Variants in MMP25 observed in about 807,000 individuals in gnomAD.
MMP25 encodes the protein matrix metallopeptidase 25.
A neutral mutation model predicts 62.1 loss-of-function variants in MMP25; 68 were observed. The ratio of observed to expected loss-of-function variants is 1.10; its 90% CI spans 0.90 to 1.34. MMP25 has a LOEUF of 1.34. Ranked by LOEUF, MMP25 falls within the 40% of genes most tolerant of loss-of-function variation. MMP25 has a pLI of 0.00. For missense variants in MMP25, 942 were observed against 792.5 expected, an observed-to-expected ratio of 1.19 and a Z score of -2.26; for synonymous variants, 407 against 345.6, an observed-to-expected ratio of 1.18 and a Z score of -1.97.
intron 4 of MMP25, among the ~76,000 whole-genome samples, chr16:3,055,251 C>G (rs112199026): frequency 6.6e-6 from 1 of 151,980 alleles, no homozygotes; most frequent in African/African-American, 2.4e-5. Flanking sequence ...TGTAACTTCC[C>G]CCAGATGCAT....
Position 3,058,862 on chromosome 16 carries a change from C to T in MMP25, c.1453C>T (p.Arg485Cys). 6.5e-7 allele frequency: 1 copy of T among 1,544,648 alleles called. No homozygotes were observed. Among genetic ancestry groups the T allele is most frequent in the Non-Finnish European group, 8.7e-7 (1 of 1,143,242 alleles). The change falls in exon 10 of 10, where the codon CGC becomes TGC. Residue 485 changes from arginine (R) to cysteine (C), a missense_variant. Transcript: ENST00000336577. ...CTTCTTCAAGGGCGCCCACTACTGGCGCTTCCCCAAGAACAGCATCAAGAC... is the reference window on the plus strand; with the variant it reads ...CTTCTTCAAGGGCGCCCACTACTGGTGCTTCCCCAAGAACAGCATCAAGAC... ...TYFFKGAHYWRFPKNSIKTEP... is the reference protein window; with the variant it reads ...TYFFKGAHYWCFPKNSIKTEP...
At chr16:3,056,284 G>T in intron 4 of MMP25, 1 of 227,934 alleles carries the variant, frequency 4.4e-6, no homozygotes, top group South Asian at 5.1e-5. Context: ...ACTGTAGCTG[G>T]GAGGAGGGGA....
chr16:3,058,687 C>A lies in MMP25; in HGVS notation c.1417+18C>A. On this transcript the variant is annotated intron_variant, in intron 9 of 9. Transcript: ENST00000336577. ...CAACGCAGGTGGGGAGCGCGGTGAC[C>A]TGCGGGTTACTGGGCCTGGGGGTGG... The A allele has an allele frequency of 6.3e-7, 1 of 1,582,570 alleles. No homozygotes were observed. Among genetic ancestry groups the A allele is most frequent in the Non-Finnish European group, 8.6e-7 (1 of 1,163,216 alleles).
chr16:3,056,965 C>A, intron 4 of MMP25, 68 bp from the exon 5 acceptor site: 1 of 1,493,954 alleles, frequency 6.7e-7, no homozygotes, highest in African/African-American at 1.4e-5. Context: ...GCTGCACTCG[C>A]AGGGCCTTCC....
Position 3,050,249 on chromosome 16 carries a change from C to T in MMP25, c.369-5C>T, listed in dbSNP as rs1955881072. On this transcript the variant is annotated splice_region_variant and splice_polypyrimidine_tract_variant and intron_variant, in intron 3 of 9. Coordinates refer to ENST00000336577, the MANE Select transcript of MMP25 (RefSeq NM_022468.5). ...CACCCTTACACCTCACTCCCCTCTC[C>T]CCAGGGTACGTTCCTTCCCCCAGAG... 6 of 1,588,054 alleles carry T rather than the reference C, an allele frequency of 3.8e-6. No homozygotes were observed. The highest frequency in any genetic ancestry group is 1.7e-4 in the Middle Eastern group (1 of 5,960).
At chr16:3,047,220 C>T in intron 1 of MMP25, among the ~76,000 whole-genome samples, 195 bp from the exon 2 acceptor site, 1 of 152,162 alleles carries the variant, frequency 6.6e-6, no homozygotes, top group East Asian at 1.9e-4. Context: ...AGCTGAGGTG[C>T]GGAGCTGAAG....
Position 3,046,832 on chromosome 16 carries a change from G to C in MMP25, c.-86G>C, listed in dbSNP as rs1040772681. ...TGCCGGGTGCCCCCCGCCCTCTCCA[G>C]GCCCGGATCTCCTCCCCCAGGTCCC... On this transcript the variant is annotated 5_prime_UTR_variant, in exon 1 of 10. Coordinates refer to ENST00000336577, the MANE Select transcript of MMP25 (RefSeq NM_022468.5). 5 of 728,558 alleles carry C rather than the reference G, an allele frequency of 6.9e-6. No individual in the cohort carries two copies. The highest frequency in any genetic ancestry group is 8.0e-6 in the Non-Finnish European group (4 of 496,974). The allele number at this position is 728,558 out of a possible 1,614,324, so 45.1% of individuals were successfully genotyped here. A position where few individuals can be genotyped will look rare whatever the true frequency, so the allele number is the denominator to read the frequency against.
At position 3,057,908 on chromosome 16, in the gene MMP25, T is replaced by C. The variant is rs1183642666; in HGVS notation, c.1007-273T>C. 1.2e-5 allele frequency: 7 copies of C among 577,046 alleles called. No homozygotes were observed. The East Asian group carries it at 2.1e-4, about 17-fold the overall frequency. The allele number at this position is 577,046 out of a possible 1,614,324, so 35.7% of individuals were successfully genotyped here. ...TTGTAGAGATGGAGTCTCACTATATTGCCCAGGCTGGGCTCAATCTCCTGG... is the reference window on the plus strand; with the variant it reads ...TTGTAGAGATGGAGTCTCACTATATCGCCCAGGCTGGGCTCAATCTCCTGG... On this transcript the variant is annotated intron_variant, in intron 7 of 9. Coordinates refer to ENST00000336577, the MANE Select transcript of MMP25 (RefSeq NM_022468.5).
intron 4 of MMP25, among the ~76,000 whole-genome samples, chr16:3,056,638 C>T (rs1956013699): frequency 6.6e-6 from 1 of 152,088 alleles, no homozygotes; most frequent in Admixed American, 6.5e-5. Flanking sequence ...CAGTCTTGAA[C>T]TCTTGGGCTC....
chr16:3,056,925 G>C (rs76385413), intron 4 of MMP25, 108 bp from the exon 5 acceptor site: 122,975 of 1,236,894 alleles, frequency 0.099, 7,391 homozygotes, highest in African/African-American at 0.23. Context: ...GCCACCTCTG[G>C]AGGGTGTCCT....
chr16:3,046,718 GCCCTCCGGGA>G lies in MMP25; in HGVS notation c.-192_-183del. Reference sequence around the variant, plus strand: ...CACCCGACCCAGCGGCGCGACCCTGGCCCTCCGGGACCCTCCGCTGACTCCACCGCGCACT... The same window carrying G: ...CACCCGACCCAGCGGCGCGACCCTGGCCCTCCGCTGACTCCACCGCGCACT... On this transcript the variant is annotated 5_prime_UTR_variant, in exon 1 of 10. Coordinates refer to ENST00000336577, the MANE Select transcript of MMP25 (RefSeq NM_022468.5). The G allele has an allele frequency of 2.5e-6, 1 of 406,790 alleles. No homozygotes were observed. The highest frequency in any genetic ancestry group is 4.3e-6 in the Non-Finnish European group (1 of 230,594). 25.2% of individuals were successfully genotyped at this position (406,790 alleles called of 1,614,324 possible).
chr16:3,051,196 GAT>G (rs1596213527), intron 4 of MMP25: 1 of 151,922 alleles, frequency 6.6e-6, no homozygotes, highest in East Asian at 1.9e-4. Context: ...GTGTGTGTGG[GAT>G]GTGTGTGTGT....
chr16:3,058,172 C>A lies in MMP25; in HGVS notation c.1007-9C>A, dbSNP rs1043450101. Reference sequence around the variant, plus strand: ...CATGCCTTCCTGCGAACCCCTTTGTCCCCTGCAGGCCCCTGGTTCTGGCGC... The same window carrying A: ...CATGCCTTCCTGCGAACCCCTTTGTACCCTGCAGGCCCCTGGTTCTGGCGC... On this transcript the variant is annotated splice_polypyrimidine_tract_variant and intron_variant, in intron 7 of 9. Coordinates refer to ENST00000336577, the MANE Select transcript of MMP25 (RefSeq NM_022468.5). 1 of 1,611,890 alleles carries A rather than the reference C, an allele frequency of 6.2e-7. No individual in the cohort carries two copies.
intron 2 of MMP25, 27 bp from the exon 3 acceptor site, chr16:3,049,982 C>A (rs1439352037): frequency 6.2e-7 from 1 of 1,604,882 alleles, no homozygotes; most frequent in Non-Finnish European, 8.5e-7. Flanking sequence ...TGTGGACACA[C>A]CCCCCACCGC....
chr16:3,058,437 C>A lies in MMP25; in HGVS notation c.1185C>A (p.Asp395Glu). ...FSGPQFWVFQ[D>E]RQLEGGARPL... ...GGCCCCAGTTCTGGGTGTTCCAGGACCGGCAGCTGGAGGGCGGGGCGCGGC... is the reference window on the plus strand; with the variant it reads ...GGCCCCAGTTCTGGGTGTTCCAGGAACGGCAGCTGGAGGGCGGGGCGCGGC... The change falls in exon 9 of 10, where the codon GAC (aspartate) becomes GAA (glutamate). Residue 395 changes from aspartate to glutamate, a missense_variant. Asp to Glu is a conservative substitution (Grantham distance 45). Coordinates refer to ENST00000336577, the MANE Select transcript of MMP25 (RefSeq NM_022468.5). 1.3e-6 allele frequency: 2 copies of A among 1,582,240 alleles called. No homozygotes were observed. Among genetic ancestry groups the A allele is most frequent in the Non-Finnish European group, 1.7e-6 (2 of 1,164,548 alleles).
Position 3,058,247 on chromosome 16 carries a change from G to A in MMP25, c.1073G>A (p.Arg358His), listed in dbSNP as rs1358509504. 6 of 1,612,130 alleles carry A rather than the reference G, an allele frequency of 3.7e-6. No individual in the cohort carries two copies. The highest frequency in any genetic ancestry group is 1.3e-5 in the African/African-American group (1 of 74,734). Residue 358 changes from arginine (R) to histidine (H), a missense_variant, in exon 8 of 10, where the codon CGC becomes CAC. Arg to His is a conservative substitution (Grantham distance 29, BLOSUM62 0). Transcript: ENST00000336577. ...LVSPRPARLH[R>H]FWEGLPAQVR... ...TCCCCGCGACCCGCACGGCTGCACC[G>A]CTTCTGGGAGGGGCTGCCCGCCCAG...
intron 4 of MMP25, chr16:3,053,455 G>C (rs1955940175): frequency 6.6e-6 from 1 of 152,254 alleles, no homozygotes; most frequent in Admixed American, 6.5e-5. Flanking sequence ...GAAATGCGAG[G>C]AGAACGGCGC....
chr16:3,057,016 C>A lies in MMP25; in HGVS notation c.662-17C>A. 2 of 1,548,130 alleles carry A rather than the reference C, an allele frequency of 1.3e-6. No homozygotes were observed. Among genetic ancestry groups the A allele is most frequent in the South Asian group, 1.2e-5 (1 of 82,166 alleles). ...CAAGCAGGGGCGGCCGCAGCTCTCA[C>A]CCACTTTCTCCTGCAGACGGCGAGG... is the stretch of plus-strand genomic sequence containing the variant. On this transcript the variant is annotated splice_polypyrimidine_tract_variant and intron_variant, in intron 4 of 9. Transcript: ENST00000336577.
In MMP25 at chr16:3,047,209, G is replaced by C. The variant is rs555110998; in HGVS notation, c.99+193G>C. On this transcript the variant is annotated intron_variant, in intron 1 of 9. Transcript: ENST00000336577. ...GGCTGGGATTTGGAGCTCTGGAAAGGAGCTGAGGTGCGGAGCTGAAGTCCA... is the reference window on the plus strand; with the variant it reads ...GGCTGGGATTTGGAGCTCTGGAAAGCAGCTGAGGTGCGGAGCTGAAGTCCA... Among the ~76,000 whole-genome samples the C allele has an allele frequency of 2.6e-5, 4 of 152,344 alleles. No individual in the cohort carries two copies. The East Asian group carries it at 7.7e-4, about 29-fold the overall frequency.
Sources: allele counts gnomAD v4.1 joint callset (sites outside exome capture counted in the v4.1 genomes callset), GRCh38; gene constraint gnomAD v4.1.1; transcripts MANE v1.5; gene names NCBI Gene and HGNC (gene_info 2026-07-23, HGNC 2026-07-21).